Variants in CAMKK2 observed in about 807,000 individuals in gnomAD.
CAMKK2 encodes the protein calcium/calmodulin dependent protein kinase kinase 2.
Under a neutral mutation model 67.2 loss-of-function variants are expected in CAMKK2, and 30 were observed. The ratio of observed to expected loss-of-function variants is 0.45; its 90% CI spans 0.33 to 0.61. The LOEUF is 0.61. CAMKK2 is among the 20% of genes least tolerant of loss of function. CAMKK2 has a pLI of 0.02. For missense variants in CAMKK2, 643 were observed against 802.0 expected, an observed-to-expected ratio of 0.80 and a Z score of 2.39; for synonymous variants, 322 against 326.2, an observed-to-expected ratio of 0.99 and a Z score of 0.14.
intron 1 of CAMKK2, among the ~76,000 whole-genome samples, chr12:121,293,996 G>T (rs1445820398): frequency 6.6e-6 from 1 of 152,032 alleles, no homozygotes; most frequent in Non-Finnish European, 1.5e-5. Flanking sequence ...GCAATGGCAC[G>T]ATCTCAGCAC....
rs1430275816 is a variant in CAMKK2 at position 121,274,124 on chromosome 12, G to A, written c.403C>T (p.Gln135Ter). 1 of 1,572,460 alleles carries A rather than the reference G, an allele frequency of 6.4e-7. No individual in the cohort carries two copies. The highest frequency in any genetic ancestry group is 8.6e-7 in the Non-Finnish European group (1 of 1,157,578). Reference protein sequence around the residue: ...SLPYSPVSSPQSSPRLPRRPT... With the variant: ...SLPYSPVSSP ...CGCCGGGGCAGCCGAGGCGAGGACT[G>A]CGGGGAGCTGACGGGTGAGTAGGGC... The change falls in exon 2 of 17, where the codon CAG becomes TAG. Residue 135 changes from glutamine to a stop codon, truncating the protein, a stop_gained. Transcript: ENST00000404169. LOFTEE classifies it high-confidence loss of function.
At chr12:121,287,298 C>T (rs1316157298) in intron 1 of CAMKK2, among the ~76,000 whole-genome samples, 1 of 152,202 alleles carries the variant, frequency 6.6e-6, no homozygotes, top group Non-Finnish European at 1.5e-5. Context: ...CCATATGCAT[C>T]ACATTTTACA....
intron 1 of CAMKK2, among the ~76,000 whole-genome samples, chr12:121,293,579 C>T (rs1900541842): frequency 6.6e-6 from 1 of 151,942 alleles, no homozygotes; most frequent in Non-Finnish European, 1.5e-5. Context: ...GCTTGGCCTG[C>T]CCCACTTGGC....
At chr12:121,283,365 T>G (rs973559072) in intron 1 of CAMKK2, among the ~76,000 whole-genome samples, 5 of 152,132 alleles carry the variant, frequency 3.3e-5, no homozygotes, top group Non-Finnish European at 5.9e-5. Context: ...CTGAAACAAC[T>G]GAGTCCGCAA....
Position 121,274,083 on chromosome 12 carries a change from A to T in CAMKK2, c.444T>A (p.Ser148=). Reference sequence around the variant, plus strand: ...GCATACCCGTGATGGAGACGTGGTGAGACTCCACTGTCGGCCGCCGGGGCA... The same window carrying T: ...GCATACCCGTGATGGAGACGTGGTGTGACTCCACTGTCGGCCGCCGGGGCA... The part of the protein sequence containing the change: ...PRLPRRPTVE[S]HHVSITGMQD... Residue 148 remains serine (S), a synonymous_variant, in exon 2 of 17, where the codon TCT becomes TCA. Coordinates refer to ENST00000404169, the MANE Select transcript of CAMKK2 (RefSeq NM_001270485.2). The T allele has an allele frequency of 2.9e-5, 44 of 1,520,830 alleles. No individual in the cohort carries two copies. Among genetic ancestry groups the T allele is most frequent in the Non-Finnish European group, 3.8e-5 (43 of 1,134,398 alleles). The allele number at this position is 1,520,830 out of a possible 1,614,324, so 94.2% of individuals were successfully genotyped here. A position where few individuals can be genotyped will look rare whatever the true frequency, so the allele number is the denominator to read the frequency against.
intron 7 of CAMKK2, among the ~76,000 whole-genome samples, chr12:121,256,949 G>A (rs550528676): frequency 4.6e-5 from 7 of 151,994 alleles, no homozygotes; most frequent in African/African-American, 1.4e-4. Flanking sequence ...TCTGGGTCAC[G>A]TGGTATAGTT....
intron 1 of CAMKK2, among the ~76,000 whole-genome samples, chr12:121,279,204 G>A (rs1171617024): frequency 5.3e-5 from 8 of 152,212 alleles, no homozygotes; most frequent in East Asian, 3.8e-4. Context: ...ACGGAGTCTC[G>A]GCCTCTGCGG....
chr12:121,244,012 T>C, intron 16 of CAMKK2: 1 of 1,551,402 alleles, frequency 6.4e-7, no homozygotes, highest in South Asian at 1.2e-5. Context: ...TCTGGTCACC[T>C]GGGCTGGCTA....
Position 121,274,540 on chromosome 12 carries a change from G to A in CAMKK2, c.-14C>T, listed in dbSNP as rs775198638. The stretch of plus-strand genomic sequence containing the variant: ...ACATGATGACATGGTGCATGCGCCA[G>A]CTTCATCCAGCACACTGGGGCACTC... On this transcript the variant is annotated 5_prime_UTR_variant, in exon 2 of 17. Transcript: ENST00000404169. The A allele has an allele frequency of 8.8e-6, 14 of 1,581,930 alleles. No individual in the cohort carries two copies. Among genetic ancestry groups the A allele is most frequent in the Non-Finnish European group, 1.2e-5 (14 of 1,161,770 alleles).
Position 121,240,118 on chromosome 12 carries a change from A to G in CAMKK2, c.*581T>C. 3.4e-6 allele frequency: 1 copy of G among 296,786 alleles called. No homozygotes were observed. The highest frequency in any genetic ancestry group is 6.3e-6 in the Non-Finnish European group (1 of 158,836). 18.4% of individuals were successfully genotyped at this position (296,786 alleles called of 1,614,324 possible). On this transcript the variant is annotated 3_prime_UTR_variant, in exon 17 of 17. Coordinates refer to ENST00000404169, the MANE Select transcript of CAMKK2 (RefSeq NM_001270485.2). This position sits in a 1 kb window ranked among gnomAD's most constrained non-coding sequence, Gnocchi z 4.4. ...TTTTCCTGACTACAATTCTACCCAT[A>G]AAAAATTTAAAAATCCTTCTTACAA...
rs1297759124 is a variant in CAMKK2 at position 121,255,917 on chromosome 12, A to G, written c.797-113T>C. On this transcript the variant is annotated intron_variant, in intron 7 of 16. Coordinates refer to ENST00000404169, the MANE Select transcript of CAMKK2 (RefSeq NM_001270485.2). Reference sequence around the variant, plus strand: ...AACACCAAGAAAGACAGAAACTAGTATTAGAGCTGGGGAGAGGAACAGTCC... The same window carrying G: ...AACACCAAGAAAGACAGAAACTAGTGTTAGAGCTGGGGAGAGGAACAGTCC... The G allele has an allele frequency of 6.1e-6, 6 of 988,724 alleles. No homozygotes were observed. In the African/African-American group the frequency reaches 8.0e-5, roughly 13 times the overall value. 61.2% of individuals were successfully genotyped at this position (988,724 alleles called of 1,614,324 possible). A position where few individuals can be genotyped will look rare whatever the true frequency, so the allele number is the denominator to read the frequency against.
rs1217046369 is a variant in CAMKK2, at chr12:121,238,172, C to G, written c.*2527G>C. On this transcript the variant is annotated 3_prime_UTR_variant, in exon 17 of 17. Transcript: ENST00000404169. ...GACCAGTAGGGAGAGGCCTCCGCAG[C>G]CCCAAGTGTCAACAAGGGGCTCAAT... 6.6e-6 allele frequency: 1 copy of G among 152,288 alleles called. No homozygotes were observed. The highest frequency in any genetic ancestry group is 2.1e-4 in the South Asian group (1 of 4,840). The allele number at this position is 152,288 out of a possible 1,614,324, so 9.4% of individuals were successfully genotyped here. A position where few individuals can be genotyped will look rare whatever the true frequency, so the allele number is the denominator to read the frequency against.
chr12:121,265,870 A>G (rs1195324363), intron 5 of CAMKK2, among the ~76,000 whole-genome samples: 1 of 152,022 alleles, frequency 6.6e-6, no homozygotes, highest in African/African-American at 2.4e-5. Flanking sequence ...GTCTCAAAAA[A>G]AAAAAAGACC....
At chr12:121,263,745 G>A (rs188180627) in intron 6 of CAMKK2, 61 bp downstream of exon 6, 4 of 1,504,384 alleles carry the variant, frequency 2.7e-6, no homozygotes, top group African/African-American at 2.8e-5. Context: ...CCAGTGGCGG[G>A]GTGTTTGGGT....
At chr12:121,287,052 ACAC>A (rs964338629) in intron 1 of CAMKK2, among the ~76,000 whole-genome samples, 2 of 151,956 alleles carry the variant, frequency 1.3e-5, no homozygotes, top group Non-Finnish European at 2.9e-5. Flanking sequence ...CTACAGGCAT[ACAC>A]CACCACACTT....
intron 1 of CAMKK2, among the ~76,000 whole-genome samples, chr12:121,280,369 G>A (rs1181224197): frequency 6.6e-6 from 1 of 152,166 alleles, no homozygotes; most frequent in East Asian, 1.9e-4. Flanking sequence ...GTCAGTTGAG[G>A]AGGATGTATA....
In CAMKK2 at chr12:121,253,356, C is replaced by T. The variant is rs749479203; in HGVS notation, c.1024G>A (p.Ala342Thr). Reference sequence around the variant, plus strand: ...GTGCCCACGGTGTTGGAGAGGAGCGCGTCACTGCCCTTGAATTCATTGCTC... The same window carrying T: ...GTGCCCACGGTGTTGGAGAGGAGCGTGTCACTGCCCTTGAATTCATTGCTC... ...GVSNEFKGSDALLSNTVGTPA... is the reference protein window; with the variant it reads ...GVSNEFKGSDTLLSNTVGTPA... Residue 342 changes from alanine (A) to threonine (T), a missense_variant, in exon 10 of 17, where the codon GCG (alanine) becomes ACG (threonine). Ala to Thr is a moderately conservative substitution (Grantham distance 58). Around this residue, in one of 3 missense-constraint regions of CAMKK2, gnomAD observed 483 missense variants for 625.8 expected, o/e 0.77. Transcript: ENST00000404169. The surrounding 1 kb of genome is among the most constrained non-coding windows in gnomAD (Gnocchi z 5.0). The T allele has an allele frequency of 8.7e-6, 14 of 1,614,142 alleles. No individual in the cohort carries two copies. The highest frequency in any genetic ancestry group is 1.1e-5 in the Non-Finnish European group (13 of 1,180,016).
chr12:121,246,478 G>A (rs1229228795), intron 14 of CAMKK2, among the ~76,000 whole-genome samples: 5 of 151,866 alleles, frequency 3.3e-5, no homozygotes, highest in East Asian at 1.9e-4. Flanking sequence ...CCTGGGAGGC[G>A]GAGGTTGCAG....
chr12:121,278,663 G>A (rs979018547), intron 1 of CAMKK2, among the ~76,000 whole-genome samples: 1 of 152,214 alleles, frequency 6.6e-6, no homozygotes, highest in Non-Finnish European at 1.5e-5. Context: ...TGCCGTCCAT[G>A]TAAGACCGGA....
Sources: allele counts gnomAD v4.1 joint callset (sites outside exome capture counted in the v4.1 genomes callset), GRCh38; gene constraint gnomAD v4.1.1; regional missense constraint gnomAD v4.1.1; non-coding constraint Gnocchi (gnomAD v3.1); transcripts MANE v1.5; gene names NCBI Gene and HGNC (gene_info 2026-07-23, HGNC 2026-07-21).